Variants in RIMS3 observed in about 807,000 individuals in gnomAD.
The protein encoded by RIMS3 is regulating synaptic membrane exocytosis protein 3.
In RIMS3, 15 loss-of-function variants were observed where a neutral mutation model predicts 29.2. That is an observed-to-expected ratio of 0.51 (90% CI 0.34 to 0.79). The LOEUF (loss-of-function observed/expected upper bound fraction) is 0.79. RIMS3 is among the 30% of genes least tolerant of loss of function. The probability of loss-of-function intolerance (pLI) is 0.01; values close to 1 mark genes in which losing one functional copy is unlikely to be tolerated. For synonymous variants in RIMS3, 161 were observed against 170.1 expected (o/e 0.95, Z 0.41); for missense variants, 342 against 421.4 (o/e 0.81, Z 1.65).
intron 2 of RIMS3, among the ~76,000 whole-genome samples, chr1:40,643,277 G>A (rs1177289730): frequency 1.3e-5 from 2 of 151,766 alleles, no homozygotes; most frequent in African/African-American, 4.8e-5. Context: ...GATTACAGGC[G>A]CCCGCCACCA....
chr1:40,682,204 TTTCATTCA>T, the RIMS3 span, among the ~76,000 whole-genome samples: 1 of 152,180 alleles, frequency 6.6e-6, no homozygotes, highest in African/African-American at 2.4e-5. Context: ...ACTGGCTTAC[TTTCATTCA>T]TTCATTCATT....
At chr1:40,633,982 ATGATAGTTCCGGTTGCTGC>A (rs1229574324) in intron 4 of RIMS3, among the ~76,000 whole-genome samples, 1 of 152,198 alleles carries the variant, frequency 6.6e-6, no homozygotes. Flanking sequence ...AAAGCACTAA[ATGATAGTTCCGGTTGCTGC>A]TGTTGTTATC....
At chr1:40,667,576 G>A (rs1402804155), upstream of RIMS3, among the ~76,000 whole-genome samples, 1 of 152,116 alleles carries the variant, frequency 6.6e-6, no homozygotes, top group East Asian at 1.9e-4. Context: ...GTTCTATATT[G>A]GTTACCAGAA....
chr1:40,654,673 G>T lies in RIMS3; in HGVS notation c.-206-6831C>A, dbSNP rs181029821. Among the ~76,000 whole-genome samples, 5 of 151,696 alleles carry T rather than the reference G, an allele frequency of 3.3e-5. No individual in the cohort carries two copies. The highest frequency in any genetic ancestry group is 1.5e-5 in the Non-Finnish European group (1 of 67,902). On this transcript the variant is annotated intron_variant, in intron 1 of 7. Transcript: ENST00000372684. This position sits in a 1 kb window ranked among gnomAD's most constrained non-coding sequence, Gnocchi z 5.3. ...CACCCTGCCACACACACACAAACTC[G>T]CACGCTGCAGAAAAACTCCCTCGCA...
the RIMS3 span, chr1:40,673,283 CCCT>C: frequency 6.6e-6 from 1 of 152,012 alleles, no homozygotes; most frequent in Non-Finnish European, 1.5e-5. Flanking sequence ...AAAGAAAGCT[CCCT>C]CCTCTTGAAT....
intron 1 of RIMS3, among the ~76,000 whole-genome samples, chr1:40,655,086 C>T (rs61779218): frequency 0.13 from 19,345 of 152,180 alleles, 1,351 homozygotes; most frequent in African/African-American, 0.16. Flanking sequence ...CTGTGTCCTC[C>T]GAGGCCCCCT....
chr1:40,644,547 G>A (rs1646581762), intron 2 of RIMS3, among the ~76,000 whole-genome samples: 1 of 152,176 alleles, frequency 6.6e-6, no homozygotes, highest in Non-Finnish European at 1.5e-5. Flanking sequence ...ATTTAATGAT[G>A]GTTACACTAA....
upstream of RIMS3, among the ~76,000 whole-genome samples, chr1:40,668,783 C>T (rs1642457457): frequency 6.6e-6 from 1 of 152,168 alleles, no homozygotes; most frequent in East Asian, 1.9e-4. Context: ...GTTTGAAAGA[C>T]AAATGACAAA....
At chr1:40,653,628 T>C (rs1007090130) in intron 1 of RIMS3, among the ~76,000 whole-genome samples, 1 of 152,164 alleles carries the variant, frequency 6.6e-6, no homozygotes, top group African/African-American at 2.4e-5. Flanking sequence ...CTGAAGCACT[T>C]ATTCCAGCTC....
chr1:40,685,533 T>C, the RIMS3 span, among the ~76,000 whole-genome samples: 1 of 151,844 alleles, frequency 6.6e-6, no homozygotes, highest in Non-Finnish European at 1.5e-5. Context: ...AAGGAAAGTT[T>C]GGCAAGGCCA....
the RIMS3 span, among the ~76,000 whole-genome samples, chr1:40,686,719 T>C: frequency 5.3e-5 from 8 of 152,162 alleles, no homozygotes; most frequent in African/African-American, 1.9e-4. Context: ...CGCCAGTCAA[T>C]GGTCAAGTCC....
intron 5 of RIMS3, among the ~76,000 whole-genome samples, chr1:40,632,461 T>C (rs920084152): frequency 8.7e-6 from 1 of 114,950 alleles, no homozygotes; most frequent in Admixed American, 8.9e-5. Context: ...TATATATATA[T>C]ATGCCATCTA....
At chr1:40,659,014 G>A (rs762676710) in intron 1 of RIMS3, among the ~76,000 whole-genome samples, 1 of 152,220 alleles carries the variant, frequency 6.6e-6, no homozygotes, top group East Asian at 1.9e-4. Flanking sequence ...TGCAGTGGGA[G>A]ACAGCGAGTA....
At chr1:40,666,150 T>C (rs1642422617), upstream of RIMS3, among the ~76,000 whole-genome samples, 1 of 152,224 alleles carries the variant, frequency 6.6e-6, no homozygotes, top group Non-Finnish European at 1.5e-5. Flanking sequence ...GTGCCTGGTA[T>C]GAAGAGAAAG....
the RIMS3 span, among the ~76,000 whole-genome samples, chr1:40,671,525 C>T: frequency 2.9e-4 from 44 of 152,104 alleles, no homozygotes; most frequent in Non-Finnish European, 7.4e-5. Flanking sequence ...GTGCTCTTCT[C>T]ATTATAGTGA....
At chr1:40,638,924 G>A (rs1240133114) in intron 3 of RIMS3, among the ~76,000 whole-genome samples, 2 of 152,240 alleles carry the variant, frequency 1.3e-5, no homozygotes, top group Non-Finnish European at 2.9e-5. Context: ...TCTAAAGTGA[G>A]TTTTTGTAAG....
intron 5 of RIMS3, among the ~76,000 whole-genome samples, chr1:40,629,607 G>A (rs2148344071): frequency 6.6e-6 from 1 of 152,308 alleles, no homozygotes; most frequent in East Asian, 1.9e-4. Flanking sequence ...TCAGGGGCAT[G>A]ACTGGGTAAC....
At position 40,636,132 on chromosome 1, in the gene RIMS3, C is replaced by A. The variant is rs985314324; in HGVS notation, c.218-75G>T. On this transcript the variant is annotated intron_variant, in intron 3 of 7. Coordinates refer to ENST00000372684, the MANE Select transcript of RIMS3 (RefSeq NM_014747.3). This position sits in a 1 kb window ranked among gnomAD's most constrained non-coding sequence, Gnocchi z 4.2. ...GAATGGGGCTTCTCTAAGAGTCCTG[C>A]CAAAGTCACTCTCTTGGCATGGGGG... 6.4e-6 allele frequency: 10 copies of A among 1,562,800 alleles called. No individual in the cohort carries two copies. The African/African-American group carries it at 9.4e-5, about 15-fold the overall frequency.
intron 1 of RIMS3, among the ~76,000 whole-genome samples, chr1:40,656,863 G>C (rs1203133429): frequency 6.6e-6 from 1 of 150,932 alleles, no homozygotes; most frequent in African/African-American, 2.4e-5. Flanking sequence ...TGATATCGTT[G>C]AGAGGGAACC....
Sources: gnomAD v4.1 joint callset for allele counts (sites outside exome capture counted in the v4.1 genomes callset) on GRCh38, gnomAD v4.1.1 for gene constraint, Gnocchi (gnomAD v3.1) non-coding constraint, MANE v1.5 for transcripts, NCBI Gene and HGNC (gene_info 2026-07-23, HGNC 2026-07-21) for gene names.